The following PTPRM variants were observed in gnomAD, a reference collection of about 807,000 sequenced individuals.
PTPRM encodes the protein receptor-type tyrosine-protein phosphatase mu.
A neutral mutation model predicts 186.7 loss-of-function variants in PTPRM; 47 were observed. That is an observed-to-expected ratio of 0.25 (90% CI 0.20 to 0.32). The LOEUF is 0.32. PTPRM is among the 10% of genes least tolerant of loss of function. The pLI, the probability that PTPRM is intolerant of heterozygous loss-of-function variation, is 1.00. For missense variants in PTPRM, 1,494 were observed against 1,865.0 expected (o/e 0.80, Z 3.66); for synonymous variants, 668 against 674.9 (o/e 0.99, Z 0.16).
At chr18:7,982,565 A>T (rs937551066) in intron 7 of PTPRM, among the ~76,000 whole-genome samples, 2 of 152,050 alleles carry the variant, frequency 1.3e-5, no homozygotes, top group Admixed American at 6.5e-5. Flanking sequence ...AATAAGTATT[A>T]AAAAAGTATA....
intron 6 of PTPRM, among the ~76,000 whole-genome samples, chr18:7,954,107 A>G (rs1274628878): frequency 6.6e-6 from 1 of 152,210 alleles, no homozygotes; most frequent in Non-Finnish European, 1.5e-5. Context: ...GGCATGTGGA[A>G]TACCTTCATT....
intron 1 of PTPRM, among the ~76,000 whole-genome samples, chr18:7,725,682 T>A (rs2040534294): frequency 6.6e-6 from 1 of 152,124 alleles, no homozygotes. Flanking sequence ...ATGATGTTGC[T>A]TTGGAGAGGA....
At position 7,720,474 on chromosome 18, in the gene PTPRM, T is replaced by C. The variant is rs140573498; in HGVS notation, c.74-53675T>C. ...TAGACTTAAAAAAATTAATAGACTA[T>C]GTTTGATTGTGGTAAAATCCATACT... On this transcript the variant is annotated intron_variant, in intron 1 of 32. Coordinates refer to ENST00000580170, the MANE Select transcript of PTPRM (RefSeq NM_001105244.2). Among the ~76,000 whole-genome samples, 150 of 152,294 alleles carry C rather than the reference T, an allele frequency of 9.8e-4. 2 individuals carry two copies. The East Asian group carries it at 0.025, about 25-fold the overall frequency.
intron 14 of PTPRM, among the ~76,000 whole-genome samples, chr18:8,200,621 A>T (rs1304620853): frequency 6.6e-6 from 1 of 152,246 alleles, no homozygotes; most frequent in Non-Finnish European, 1.5e-5. Context: ...CACTAGTTCC[A>T]GCGGCGACAA....
chr18:7,931,444 G>A (rs1483407431), intron 5 of PTPRM, among the ~76,000 whole-genome samples: 2 of 152,072 alleles, frequency 1.3e-5, no homozygotes, highest in South Asian at 2.1e-4. Context: ...AGTGGCTCAC[G>A]CCTGTAATCC....
intron 9 of PTPRM, among the ~76,000 whole-genome samples, chr18:8,084,815 G>A (rs2090345767): frequency 6.6e-6 from 1 of 152,136 alleles, no homozygotes; most frequent in Admixed American, 6.6e-5. Context: ...ACTACTCATA[G>A]TGAAATTCTT....
intron 2 of PTPRM, among the ~76,000 whole-genome samples, chr18:7,869,717 A>C (rs891793340): frequency 6.6e-6 from 1 of 152,232 alleles, no homozygotes; most frequent in African/African-American, 2.4e-5. Context: ...TTCTTCCTGA[A>C]GTGGCCAGTA....
intron 2 of PTPRM, among the ~76,000 whole-genome samples, chr18:7,882,641 A>G (rs1223780336): frequency 1.3e-5 from 2 of 152,266 alleles, no homozygotes; most frequent in Non-Finnish European, 2.9e-5. Context: ...TTTAAAGTTC[A>G]TAAAATGCTG....
intron 22 of PTPRM, among the ~76,000 whole-genome samples, chr18:8,322,357 G>A (rs561093054): frequency 3.9e-5 from 6 of 152,232 alleles, no homozygotes; most frequent in East Asian, 1.9e-4. Flanking sequence ...CAAATTGAAA[G>A]CATCCCATTC....
chr18:8,125,992 TA>T (rs1568382856), intron 13 of PTPRM, among the ~76,000 whole-genome samples: 4 of 8,830 alleles, frequency 4.5e-4, no homozygotes, highest in Non-Finnish European at 7.3e-4. Context: ...TATATATATA[TA>T]TATATATATA....
intron 8 of PTPRM, among the ~76,000 whole-genome samples, chr18:8,073,827 C>T (rs1433438939): frequency 6.6e-6 from 1 of 152,124 alleles, no homozygotes; most frequent in Non-Finnish European, 1.5e-5. Context: ...ATCACTTAAA[C>T]CTGGGAGGTT....
At chr18:8,278,399 TGA>T (rs2094861517) in intron 19 of PTPRM, among the ~76,000 whole-genome samples, 1 of 152,226 alleles carries the variant, frequency 6.6e-6, no homozygotes, top group Non-Finnish European at 1.5e-5. Context: ...CTTGTAGATC[TGA>T]TACACTGCCG....
chr18:7,928,291 C>A (rs2051290584), intron 5 of PTPRM, among the ~76,000 whole-genome samples: 2 of 152,162 alleles, frequency 1.3e-5, no homozygotes, highest in African/African-American at 4.8e-5. Flanking sequence ...CCAAGTTCAT[C>A]TTTACTTTCT....
chr18:7,693,554 C>T (rs1336200721), intron 1 of PTPRM, among the ~76,000 whole-genome samples: 1 of 152,178 alleles, frequency 6.6e-6, no homozygotes, highest in Non-Finnish European at 1.5e-5. Context: ...TAATTCACTC[C>T]TTCTGCCAAA....
In PTPRM at chr18:7,781,589, C is replaced by G. The variant is rs570597624; in HGVS notation, c.196+7318C>G. 4.5e-3 allele frequency among the ~76,000 whole-genome samples: 692 copies of G among 152,222 alleles called. 2 individuals are homozygous for G. The highest frequency in any genetic ancestry group is 8.0e-3 in the Non-Finnish European group (543 of 68,000). ...ATAGTCCCCATAGGTGGCCTTCCAG[C>G]CCATACCCCTGTCCCACCATTCCCC... On this transcript the variant is annotated intron_variant, in intron 2 of 32. Coordinates refer to ENST00000580170, the MANE Select transcript of PTPRM (RefSeq NM_001105244.2).
chr18:8,210,836 AG>A (rs2093993694), intron 14 of PTPRM, among the ~76,000 whole-genome samples: 1 of 152,208 alleles, frequency 6.6e-6, no homozygotes, highest in South Asian at 2.1e-4. Flanking sequence ...AGCAAACTGA[AG>A]GCATTGCCAG....
chr18:7,848,199 C>G (rs1321599092), intron 2 of PTPRM, among the ~76,000 whole-genome samples: 2 of 152,138 alleles, frequency 1.3e-5, no homozygotes, highest in Non-Finnish European at 2.9e-5. Flanking sequence ...TAATAGTCTG[C>G]TGGACTGAAA....
intron 14 of PTPRM, among the ~76,000 whole-genome samples, chr18:8,168,466 G>A (rs1378038084): frequency 2.6e-5 from 4 of 152,186 alleles, no homozygotes; most frequent in Non-Finnish European, 5.9e-5. Context: ...TTTGGAGCCT[G>A]TGATACCCCT....
chr18:7,912,953 T>C (rs2050355069), intron 4 of PTPRM, among the ~76,000 whole-genome samples: 1 of 152,190 alleles, frequency 6.6e-6, no homozygotes. Flanking sequence ...ATCTTAACAT[T>C]ATCAGGCTTT....
Sources: allele counts gnomAD v4.1 joint callset (sites outside exome capture counted in the v4.1 genomes callset), GRCh38; gene constraint gnomAD v4.1.1; transcripts MANE v1.5; gene names NCBI Gene and HGNC (gene_info 2026-07-23, HGNC 2026-07-21).